Variants in WDR37 observed in about 807,000 individuals in gnomAD.
The protein encoded by WDR37 is WD repeat domain 37.
WDR37 carries 19 observed loss-of-function variants against 62.9 expected under a neutral mutation model. The ratio of observed to expected loss-of-function variants is 0.30; its 90% CI spans 0.21 to 0.44. WDR37 has a LOEUF of 0.44. Among genes scored for constraint, WDR37 ranks in the 20% least tolerant of loss-of-function variants. WDR37 has a pLI of 1.00. For synonymous variants in WDR37, 250 were observed against 260.9 expected, an observed-to-expected ratio of 0.96 and a Z score of 0.40; for missense variants, 474 against 657.6, an observed-to-expected ratio of 0.72 and a Z score of 3.05.
rs560626411 is a variant in WDR37 at position 1,103,892 on chromosome 10, A to G, written c.961+56A>G. 29 of 1,558,200 alleles carry G rather than the reference A, an allele frequency of 1.9e-5. No individual in the cohort carries two copies. The highest frequency in any genetic ancestry group is 1.4e-4 in the African/African-American group (10 of 73,900). On this transcript the variant is annotated intron_variant, in intron 10 of 13. Coordinates refer to ENST00000263150, the MANE Select transcript of WDR37 (RefSeq NM_014023.4). This position sits in a 1 kb window ranked among gnomAD's most constrained non-coding sequence, Gnocchi z 6.3. ...TGGCTGTGCATGTTAGTTTATGTCC[A>G]TGGGTTATGTCTGACCTTGCCACTT...
chr10:1,057,271 G>T (rs1833214527), intron 1 of WDR37, among the ~76,000 whole-genome samples: 1 of 148,250 alleles, frequency 6.7e-6, no homozygotes, highest in Non-Finnish European at 1.5e-5. Flanking sequence ...AGGGATGGGG[G>T]CCCGGGGCGG....
At chr10:1,093,303 A>G (rs1461604482) in intron 7 of WDR37, 149 bp from the exon 8 acceptor site, 1 of 659,090 alleles carries the variant, frequency 1.5e-6, no homozygotes, top group Non-Finnish European at 2.6e-6. Context: ...TAATTCACAC[A>G]TTTATTTATA....
chr10:1,106,534 ATAGAC>A (rs1374644313), intron 11 of WDR37, among the ~76,000 whole-genome samples: 1 of 152,098 alleles, frequency 6.6e-6, no homozygotes, highest in African/African-American at 2.4e-5. Flanking sequence ...TTGTTTGTTA[ATAGAC>A]GGAGTCTCTT....
intron 11 of WDR37, among the ~76,000 whole-genome samples, chr10:1,110,924 G>A (rs10903370): frequency 0.56 from 85,337 of 152,156 alleles, 24,841 homozygotes; most frequent in Non-Finnish European, 0.65. Flanking sequence ...CATCCGGGAA[G>A]TAGCTCTGCC....
At chr10:1,113,593 G>A (rs915750217) in intron 11 of WDR37, among the ~76,000 whole-genome samples, 2 of 152,218 alleles carry the variant, frequency 1.3e-5, no homozygotes, top group African/African-American at 2.4e-5. Context: ...TGATTCATGG[G>A]AGAAGGTCAA....
chr10:1,105,313 T>A lies in WDR37; in HGVS notation c.1103+46T>A. The A allele has an allele frequency of 1.9e-6, 3 of 1,577,386 alleles. No homozygotes were observed. The highest frequency in any genetic ancestry group is 2.6e-6 in the Non-Finnish European group (3 of 1,154,902). The stretch of plus-strand genomic sequence containing the variant: ...CATCTGTCCTTAGTCATGAAAAAGT[T>A]CTGTGGGTTGACATGAAAACTTAAT... On this transcript the variant is annotated intron_variant, in intron 11 of 13. Coordinates refer to ENST00000263150, the MANE Select transcript of WDR37 (RefSeq NM_014023.4). The surrounding 1 kb of genome is among the most constrained non-coding windows in gnomAD (Gnocchi z 5.3).
intron 13 of WDR37, among the ~76,000 whole-genome samples, chr10:1,127,812 G>C (rs552439496): frequency 8.5e-5 from 13 of 152,242 alleles, no homozygotes; most frequent in Admixed American, 2.0e-4. Context: ...TGGGGCTCAT[G>C]ACGGCATGGG....
intron 13 of WDR37, among the ~76,000 whole-genome samples, chr10:1,127,309 G>C (rs1407253301): frequency 2.0e-5 from 3 of 152,198 alleles, no homozygotes; most frequent in Non-Finnish European, 2.9e-5. Flanking sequence ...GTAGGATTCT[G>C]TTGTGCCTGG....
At chr10:1,101,690 C>T (rs372473787) in intron 9 of WDR37, among the ~76,000 whole-genome samples, 6 of 152,236 alleles carry the variant, frequency 3.9e-5, no homozygotes, top group East Asian at 1.9e-4. Context: ...TCCAGTCTCC[C>T]GGGATTACAG....
chr10:1,088,869 A>C (rs1338572354), intron 7 of WDR37, among the ~76,000 whole-genome samples: 1 of 152,182 alleles, frequency 6.6e-6, no homozygotes, highest in Non-Finnish European at 1.5e-5. Flanking sequence ...AGTAAAGTGA[A>C]GGGTAATAAA....
chr10:1,067,278 C>G (rs1052636119), intron 1 of WDR37, among the ~76,000 whole-genome samples: 3 of 152,176 alleles, frequency 2.0e-5, no homozygotes, highest in Non-Finnish European at 4.4e-5. Flanking sequence ...AAATTTTACA[C>G]CTTATAAAAA....
chr10:1,102,647 AGGTCAGCATCAG>A (rs1447076576), intron 9 of WDR37, among the ~76,000 whole-genome samples: 2 of 152,190 alleles, frequency 1.3e-5, no homozygotes, highest in Non-Finnish European at 2.9e-5. Context: ...CACTATTGTG[AGGTCAGCATCAG>A]GCTATGAGGA....
intron 1 of WDR37, among the ~76,000 whole-genome samples, chr10:1,062,479 AC>A (rs1026481475): frequency 1.3e-5 from 2 of 151,920 alleles, no homozygotes; most frequent in African/African-American, 4.8e-5. Context: ...GGGAAGGGAA[AC>A]CCTTTGCTGG....
At chr10:1,107,901 CTG>C (rs1231164393) in intron 11 of WDR37, among the ~76,000 whole-genome samples, 1 of 148,826 alleles carries the variant, frequency 6.7e-6, no homozygotes, top group Non-Finnish European at 1.5e-5. Flanking sequence ...TGCAGCACTG[CTG>C]TCTCTATTTA....
At chr10:1,096,039 G>C in intron 8 of WDR37, 131 bp from the exon 9 acceptor site, 1 of 749,914 alleles carries the variant, frequency 1.3e-6, no homozygotes, top group Non-Finnish European at 2.3e-6. Context: ...TAAGTAAAAA[G>C]TACATTCCTC....
chr10:1,128,825 C>CGGTCCATGCTCGGT (rs1000438108), intron 13 of WDR37, among the ~76,000 whole-genome samples: 1 of 151,046 alleles, frequency 6.6e-6, no homozygotes, highest in Non-Finnish European at 1.5e-5. Context: ...CCATGCTCGG[C>CGGTCCATGCTCGGT]GGTCCATGCT....
Position 1,121,280 on chromosome 10 carries a change from G to C in WDR37, c.1104-2938G>C, listed in dbSNP as rs1835569562. On this transcript the variant is annotated intron_variant, in intron 11 of 13. Coordinates refer to ENST00000263150, the MANE Select transcript of WDR37 (RefSeq NM_014023.4). The surrounding 1 kb of genome is among the most constrained non-coding windows in gnomAD (Gnocchi z 4.5). ...AGCCTTTTTTCCTATTAATTTAGCA[G>C]AATGTTCACTGAAACTTAACTTGGC... Among the ~76,000 whole-genome samples, 1 of 152,168 alleles carries C rather than the reference G, an allele frequency of 6.6e-6. No homozygotes were observed. The highest frequency in any genetic ancestry group is 2.1e-4 in the South Asian group (1 of 4,830).
intron 1 of WDR37, among the ~76,000 whole-genome samples, chr10:1,071,881 T>G (rs1297865381): frequency 6.6e-6 from 1 of 152,152 alleles, no homozygotes; most frequent in Non-Finnish European, 1.5e-5. Context: ...TTTAAACCTC[T>G]TTTTTGCCAT....
chr10:1,080,324 C>A, intron 4 of WDR37, 88 bp from the exon 5 acceptor site: 1 of 1,551,788 alleles, frequency 6.4e-7, no homozygotes, highest in South Asian at 1.2e-5. Flanking sequence ...GGCCCCCTTT[C>A]TTCCTGTGCA....
Sources: allele counts gnomAD v4.1 joint callset (sites outside exome capture counted in the v4.1 genomes callset), GRCh38; gene constraint gnomAD v4.1.1; non-coding constraint Gnocchi (gnomAD v3.1); transcripts MANE v1.5; gene names NCBI Gene and HGNC (gene_info 2026-07-23, HGNC 2026-07-21).